Variants in EHBP1L1 observed in about 807,000 individuals in gnomAD.
EHBP1L1 encodes the protein EH domain-binding protein 1-like protein 1.
Under a neutral mutation model 151.1 loss-of-function variants are expected in EHBP1L1, and 122 were observed. The observed-to-expected ratio is 0.81, with a 90% CI of 0.70 to 0.94. EHBP1L1 has a LOEUF of 0.94. Among genes scored for constraint, EHBP1L1 ranks in the 40% least tolerant of loss-of-function variants. The pLI, the probability that EHBP1L1 is intolerant of heterozygous loss-of-function variation, is 0.00. For synonymous variants in EHBP1L1, 878 were observed against 810.1 expected (o/e 1.08, Z -1.42); for missense variants, 1,941 against 1,959.8 (o/e 0.99, Z 0.18).
At chr11:65,579,022 G>A in intron 1 of EHBP1L1, 56 bp from the exon 2 acceptor site, 3 of 1,517,574 alleles carry the variant, frequency 2.0e-6, no homozygotes, top group Non-Finnish European at 2.7e-6. Context: ...TGGGGAGGCA[G>A]GTGAGCCTGA....
At position 65,581,430 on chromosome 11, in the gene EHBP1L1, C is replaced by T. The variant is rs1352766930; in HGVS notation, c.866+57C>T. ...GCCCCCTGATAGGAGCTGCAGTCCT[C>T]ACCCCCACCAACCTGCCTCCAGGGC... On this transcript the variant is annotated intron_variant, in intron 8 of 18. Transcript: ENST00000309295. 5 of 1,456,418 alleles carry T rather than the reference C, an allele frequency of 3.4e-6. No homozygotes were observed. The East Asian group carries it at 9.7e-5, about 28-fold the overall frequency. The allele number at this position is 1,456,418 out of a possible 1,614,324, so 90.2% of individuals were successfully genotyped here. A position where few individuals can be genotyped will look rare whatever the true frequency, so the allele number is the denominator to read the frequency against.
rs1590837137 is a variant in EHBP1L1, at chr11:65,589,684, C to G, written c.3934-67C>G. On this transcript the variant is annotated intron_variant, in intron 12 of 18. Transcript: ENST00000309295. ...CCTCCTCCCCTCTGTATGAGTGGCTCTGGCTGGCCCCAGGCCCAGGCTGGT... is the reference window on the plus strand; with the variant it reads ...CCTCCTCCCCTCTGTATGAGTGGCTGTGGCTGGCCCCAGGCCCAGGCTGGT... 4.1e-6 allele frequency: 6 copies of G among 1,466,912 alleles called. No homozygotes were observed. In the South Asian group the frequency reaches 5.6e-5, roughly 14 times the overall value. The allele number at this position is 1,466,912 out of a possible 1,614,324, so 90.9% of individuals were successfully genotyped here. A position where few individuals can be genotyped will look rare whatever the true frequency, so the allele number is the denominator to read the frequency against.
rs1268747079 is a variant in EHBP1L1 at position 65,580,862 on chromosome 11, C to G, written c.635-196C>G. On this transcript the variant is annotated intron_variant, in intron 6 of 18. Transcript: ENST00000309295. The stretch of plus-strand genomic sequence containing the variant: ...TCCCTGCTGCTTGTCCAGGCTTTTT[C>G]TCTGTCCACTGTTGAGGTTCTCTCT... The G allele has an allele frequency of 1.4e-5, 19 of 1,348,156 alleles. No homozygotes were observed. In the South Asian group the frequency reaches 1.5e-4, roughly 11 times the overall value. The allele number at this position is 1,348,156 out of a possible 1,614,324, so 83.5% of individuals were successfully genotyped here.
At chr11:65,576,613 C>T (rs1418152387) in intron 1 of EHBP1L1, among the ~76,000 whole-genome samples, 1 of 152,190 alleles carries the variant, frequency 6.6e-6, no homozygotes, top group Non-Finnish European at 1.5e-5. Flanking sequence ...GGGCAGCCTT[C>T]CCTGCGCGGG....
chr11:65,583,328 G>A lies in EHBP1L1; in HGVS notation c.2656G>A (p.Val886Ile). The change falls in exon 9 of 19, where the codon GTC becomes ATC. Residue 886 changes from valine (V) to isoleucine (I), a missense_variant. By Grantham distance (29) the Val-to-Ile change is conservative. Coordinates refer to ENST00000309295, the MANE Select transcript of EHBP1L1 (RefSeq NM_001099409.3). ...AEKEEAQTSG[V>I]QEAETRVGSA... is the part of the protein sequence containing the mutation. ...GAAGGAAGAGGCTCAGACTTCGGGG[G>A]TCCAGGAAGCAGAGACTAGAGTTGG... 3.7e-6 allele frequency: 6 copies of A among 1,613,748 alleles called. No homozygotes were observed. Among genetic ancestry groups the A allele is most frequent in the Non-Finnish European group, 5.1e-6 (6 of 1,179,810 alleles).
chr11:65,579,573 G>A, intron 3 of EHBP1L1, 137 bp downstream of exon 3: 1 of 712,344 alleles, frequency 1.4e-6, no homozygotes, highest in Non-Finnish European at 2.2e-6. Context: ...AGGGGGGCCT[G>A]CTCAGCATCA....
chr11:65,583,992 C>A, intron 9 of EHBP1L1: 1 of 1,404,424 alleles, frequency 7.1e-7, no homozygotes, highest in South Asian at 1.7e-5. Context: ...ATTTTCTGGG[C>A]TGACTTTGAG....
At position 65,588,661 on chromosome 11, in the gene EHBP1L1, G is replaced by T. The variant is rs536809458; in HGVS notation, c.3934-1090G>T. On this transcript the variant is annotated intron_variant, in intron 12 of 18. Transcript: ENST00000309295. Reference sequence around the variant, plus strand: ...GATGACCCAGATGTGGGGGGCCAGGGCAGGAGCAGTTGAGGGGCCAGGCTA... The same window carrying T: ...GATGACCCAGATGTGGGGGGCCAGGTCAGGAGCAGTTGAGGGGCCAGGCTA... Among the ~76,000 whole-genome samples the T allele has an allele frequency of 3.3e-5, 5 of 152,346 alleles. No individual in the cohort carries two copies. The South Asian group carries it at 8.3e-4, about 25-fold the overall frequency.
At chr11:65,579,760 G>A (rs1398556093) in intron 3 of EHBP1L1, among the ~76,000 whole-genome samples, 176 bp from the exon 4 acceptor site, 2 of 150,574 alleles carry the variant, frequency 1.3e-5, no homozygotes, top group Non-Finnish European at 2.9e-5. Flanking sequence ...CTGGGAGGCA[G>A]AGGTTGCAGT....
rs1351111254 is a variant in EHBP1L1 at position 65,579,068 on chromosome 11, C to G, written c.105-10C>G. 6.3e-7 allele frequency: 1 copy of G among 1,577,542 alleles called. No homozygotes were observed. The highest frequency in any genetic ancestry group is 8.6e-7 in the Non-Finnish European group (1 of 1,161,682). On this transcript the variant is annotated splice_polypyrimidine_tract_variant and intron_variant, in intron 1 of 18. Coordinates refer to ENST00000309295, the MANE Select transcript of EHBP1L1 (RefSeq NM_001099409.3). ...TGCTCCCTTTCTCCCTCCCCTTCCC[C>G]CTCCCCCAGGCAGCCAGATAAGCTG...
In EHBP1L1 at chr11:65,587,408, G is replaced by A. The variant is rs1858030260; in HGVS notation, c.3933+1817G>A. 2.0e-5 allele frequency among the ~76,000 whole-genome samples: 3 copies of A among 152,016 alleles called. No homozygotes were observed. In the South Asian group the frequency reaches 6.2e-4, roughly 32 times the overall value. ...AAAAAGAGGAATTTGAGTTAGACAT[G>A]AGGAAGCACTGGAATTCCCACGAGG... is the stretch of plus-strand genomic sequence containing the variant. On this transcript the variant is annotated intron_variant, in intron 12 of 18. Coordinates refer to ENST00000309295, the MANE Select transcript of EHBP1L1 (RefSeq NM_001099409.3).
At chr11:65,578,696 C>G (rs897815234) in intron 1 of EHBP1L1, among the ~76,000 whole-genome samples, 5 of 152,224 alleles carry the variant, frequency 3.3e-5, no homozygotes, top group Non-Finnish European at 1.5e-5. Flanking sequence ...TTGTCTCTCC[C>G]TGTGTTGGAG....
At position 65,580,131 on chromosome 11, in the gene EHBP1L1, C is replaced by T; in HGVS notation, c.363C>T (p.Ala121=). 1 of 1,613,604 alleles carries T rather than the reference C, an allele frequency of 6.2e-7. No homozygotes were observed. The highest frequency in any genetic ancestry group is 8.5e-7 in the Non-Finnish European group (1 of 1,179,808). The stretch of plus-strand genomic sequence containing the variant: ...TGGCCACGGCCGAGGTGGACCTGGC[C>T]CGCCATGCAGGGCCCGTGCCTGTCC... The part of the protein sequence containing the change: ...KVLATAEVDL[A]RHAGPVPVQV... Residue 121 remains alanine (A), a synonymous_variant, in exon 5 of 19, where the codon GCC becomes GCT. Transcript: ENST00000309295.
chr11:65,583,808 C>T (rs1312382335), intron 9 of EHBP1L1, 43 bp downstream of exon 9: 6 of 1,448,172 alleles, frequency 4.1e-6, no homozygotes, highest in Non-Finnish European at 5.4e-6. Flanking sequence ...CTGCTTCCCA[C>T]TAACCTGGGG....
At chr11:65,586,776 A>C (rs1857986727) in intron 12 of EHBP1L1, among the ~76,000 whole-genome samples, 1 of 152,220 alleles carries the variant, frequency 6.6e-6, no homozygotes, top group African/African-American at 2.4e-5. Flanking sequence ...AGTCAAGAGG[A>C]CAAGGCCAGC....
At position 65,582,423 on chromosome 11, in the gene EHBP1L1, C is replaced by T. The variant is rs755155218; in HGVS notation, c.1751C>T (p.Thr584Ile). 6 of 1,611,274 alleles carry T rather than the reference C, an allele frequency of 3.7e-6. No homozygotes were observed. The highest frequency in any genetic ancestry group is 3.3e-5 in the Admixed American group (2 of 59,730). The change falls in exon 9 of 19, where the codon ACC (threonine) becomes ATC (isoleucine). Residue 584 changes from threonine to isoleucine, a missense_variant. By Grantham distance (89) the Thr-to-Ile change is moderately conservative. Transcript: ENST00000309295. ...TEVVGLEVLG[T>I]QEKEVEGSGF... ...GTGGTAGGGTTGGAGGTGCTGGGAA[C>T]CCAGGAGAAAGAAGTTGAGGGGTCA...
chr11:65,591,773 C>T, intron 16 of EHBP1L1, 27 bp from the exon 17 acceptor site: 3 of 1,093,504 alleles, frequency 2.7e-6, no homozygotes, highest in African/African-American at 1.6e-5. Flanking sequence ...GCCACCCCCC[C>T]GCCACCCACC....
In EHBP1L1 at chr11:65,584,970, C is replaced by T. The variant is rs1450795074; in HGVS notation, c.3312C>T (p.Gly1104=). ...IKQNNKQAFD[G]FAALGVSRLL... is the part of the protein sequence containing the mutation. The stretch of plus-strand genomic sequence containing the variant: ...CACCCTTCCCCTAGGCCTTCGATGG[C>T]TTCGCGGCTCTGGGCGTGTCGCGGC... Residue 1104 remains glycine, a synonymous_variant, in exon 12 of 19, where the codon GGC becomes GGT. Coordinates refer to ENST00000309295, the MANE Select transcript of EHBP1L1 (RefSeq NM_001099409.3). 2.6e-6 allele frequency: 4 copies of T among 1,533,600 alleles called. No homozygotes were observed. The highest frequency in any genetic ancestry group is 3.5e-6 in the Non-Finnish European group (4 of 1,145,804). The allele number at this position is 1,533,600 out of a possible 1,614,324, so 95.0% of individuals were successfully genotyped here. A position where few individuals can be genotyped will look rare whatever the true frequency, so the allele number is the denominator to read the frequency against.
chr11:65,584,955 C>G lies in EHBP1L1; in HGVS notation c.3301-4C>G. On this transcript the variant is annotated splice_region_variant and splice_polypyrimidine_tract_variant and intron_variant, in intron 11 of 18. Coordinates refer to ENST00000309295, the MANE Select transcript of EHBP1L1 (RefSeq NM_001099409.3). Reference sequence around the variant, plus strand: ...CGCTGACCCCGAGTGCACCCTTCCCCTAGGCCTTCGATGGCTTCGCGGCTC... The same window carrying G: ...CGCTGACCCCGAGTGCACCCTTCCCGTAGGCCTTCGATGGCTTCGCGGCTC... 1 of 1,533,386 alleles carries G rather than the reference C, an allele frequency of 6.5e-7. No homozygotes were observed. The highest frequency in any genetic ancestry group is 1.2e-5 in the South Asian group (1 of 83,896). 95.0% of individuals were successfully genotyped at this position (1,533,386 alleles called of 1,614,324 possible). A position where few individuals can be genotyped will look rare whatever the true frequency, so the allele number is the denominator to read the frequency against.
Sources: gnomAD v4.1 joint callset for allele counts (sites outside exome capture counted in the v4.1 genomes callset) on GRCh38, gnomAD v4.1.1 for gene constraint, MANE v1.5 for transcripts, NCBI Gene and HGNC (gene_info 2026-07-23, HGNC 2026-07-21) for gene names.